The following ZNF638 variants were observed in gnomAD, a reference collection of about 807,000 sequenced individuals.
The protein encoded by ZNF638 is CTCL tumor antigen se33-1.
A neutral mutation model predicts 195.6 loss-of-function variants in ZNF638; 46 were observed. That is an observed-to-expected ratio of 0.24 (90% CI 0.19 to 0.30). The LOEUF (loss-of-function observed/expected upper bound fraction) is 0.30. Ranked by LOEUF, ZNF638 falls within the 10% of genes least tolerant of loss-of-function variation. The probability of loss-of-function intolerance (pLI) is 1.00; values close to 1 mark genes in which losing one functional copy is unlikely to be tolerated. For synonymous variants in ZNF638, 845 were observed against 772.0 expected, an observed-to-expected ratio of 1.09 and a Z score of -1.57; for missense variants, 2,440 against 2,325.3, an observed-to-expected ratio of 1.05 and a Z score of -1.01.
At chr2:71,408,310 C>G in intron 20 of ZNF638, 63 bp downstream of exon 20, 1 of 1,542,224 alleles carries the variant, frequency 6.5e-7, no homozygotes, top group Non-Finnish European at 8.7e-7. Flanking sequence ...AAAGGTCATT[C>G]TCAGGTAGTA....
At chr2:71,340,530 A>G (rs1428211810) in intron 1 of ZNF638, among the ~76,000 whole-genome samples, 1 of 152,202 alleles carries the variant, frequency 6.6e-6, no homozygotes, top group Admixed American at 6.5e-5. Flanking sequence ...AAGTGAATTT[A>G]TATATTCTGA....
At chr2:71,355,116 CCGCCACA>C in intron 2 of ZNF638, among the ~76,000 whole-genome samples, 1 of 152,152 alleles carries the variant, frequency 6.6e-6, no homozygotes, top group South Asian at 2.1e-4. Context: ...CTACAGGTGC[CCGCCACA>C]ACGCCTGGCT....
Position 71,427,325 on chromosome 2 carries a change from C to G in ZNF638, c.5456C>G (p.Thr1819Arg). The G allele has an allele frequency of 1.2e-6, 2 of 1,609,826 alleles. No homozygotes were observed. The highest frequency in any genetic ancestry group is 1.7e-6 in the Non-Finnish European group (2 of 1,179,132). Residue 1819 changes from threonine (T) to arginine (R), a missense_variant, in exon 24 of 28, where the codon ACA becomes AGA. Physicochemically the swap from Thr to Arg is moderately conservative, Grantham distance 71 (BLOSUM62 -1). This residue lies in a region of ZNF638 where 1,883 missense variants were observed against 1,739.1 expected (regional missense o/e 1.08). Transcript: ENST00000264447. ...AAGAGAGCTGTGGACACAAAAAAGA[C>G]AAAACTTGAATCCTTGTCCCAAGTG... The part of the protein sequence containing the change: ...RKKRAVDTKK[T>R]KLESLSQVGP...
At chr2:71,336,533 A>C (rs1159783964) in intron 1 of ZNF638, among the ~76,000 whole-genome samples, 1 of 152,230 alleles carries the variant, frequency 6.6e-6, no homozygotes, top group East Asian at 1.9e-4. Flanking sequence ...TACTAAAAGA[A>C]AGAAACACCT....
At chr2:71,371,336 T>G (rs1041227630) in intron 8 of ZNF638, among the ~76,000 whole-genome samples, 1 of 152,150 alleles carries the variant, frequency 6.6e-6, no homozygotes, top group African/African-American at 2.4e-5. Flanking sequence ...ATATACTGAT[T>G]TCTTTTCTTT....
At chr2:71,344,950 G>A (rs1338951794) in intron 1 of ZNF638, among the ~76,000 whole-genome samples, 1 of 152,190 alleles carries the variant, frequency 6.6e-6, no homozygotes, top group Non-Finnish European at 1.5e-5. Flanking sequence ...AATTAAAAGT[G>A]AAAATTGTGC....
At chr2:71,418,052 A>T (rs954114805) in intron 20 of ZNF638, among the ~76,000 whole-genome samples, 1 of 152,174 alleles carries the variant, frequency 6.6e-6, no homozygotes, top group African/African-American at 2.4e-5. Context: ...AGTGCTTGCC[A>T]TATAGGGACT....
In ZNF638 at chr2:71,342,218, C is replaced by CAAAAA. The variant is rs70959232; in HGVS notation, c.-202-6520_-202-6516dup. 8.4e-4 allele frequency among the ~76,000 whole-genome samples: 83 copies of CAAAAA among 98,966 alleles called. 3 individuals are homozygous for CAAAAA. The highest frequency in any genetic ancestry group is 9.6e-4 in the Non-Finnish European group (50 of 52,002). 64.9% of individuals were successfully genotyped at this position (98,966 alleles called of 152,430 possible). On this transcript the variant is annotated intron_variant, in intron 1 of 27. Transcript: ENST00000264447. ...CCTGGGTGACAGTGAGACTCTGTCT[C>CAAAAA]AAAAAAAAAAAAAAAAAAAGTCATA...
chr2:71,373,661 G>A (rs530463335), intron 8 of ZNF638, among the ~76,000 whole-genome samples: 63 of 151,636 alleles, frequency 4.2e-4, no homozygotes, highest in African/African-American at 1.5e-3. Context: ...CTCGTGATCC[G>A]TCCGCCTCGG....
rs114486646 is a variant in ZNF638 at position 71,390,573 on chromosome 2, C to T, written c.2378-5568C>T. ...AAAATAGCTCAGTTACTATTCTTAC[C>T]GTACTGGGTCCCCAATGCCCAGGGA... On this transcript the variant is annotated intron_variant, in intron 10 of 27. Coordinates refer to ENST00000264447, the MANE Select transcript of ZNF638 (RefSeq NM_014497.5). Among the ~76,000 whole-genome samples the T allele has an allele frequency of 3.0e-3, 463 of 152,188 alleles. 2 individuals carry two copies. Among genetic ancestry groups the T allele is most frequent in the African/African-American group, 0.011 (444 of 41,540 alleles).
chr2:71,366,155 G>C (rs150822774), intron 6 of ZNF638, among the ~76,000 whole-genome samples: 1 of 152,164 alleles, frequency 6.6e-6, no homozygotes. Context: ...TTTGAGGCCA[G>C]CCAGAGCTAC....
At chr2:71,381,062 A>G (rs1320677403) in intron 10 of ZNF638, among the ~76,000 whole-genome samples, 1 of 152,136 alleles carries the variant, frequency 6.6e-6, no homozygotes, top group African/African-American at 2.4e-5. Context: ...ATCATTATGA[A>G]TCCAGTTAAA....
intron 19 of ZNF638, 190 bp from the exon 20 acceptor site, chr2:71,407,932 A>C (rs912090487): frequency 8.4e-6 from 4 of 478,952 alleles, no homozygotes; most frequent in Non-Finnish European, 1.5e-5. Context: ...ATTGATGGAC[A>C]GTTGGGTTGC....
At chr2:71,422,786 C>A (rs956895395) in intron 21 of ZNF638, 28 bp from the exon 22 acceptor site, 2 of 1,578,634 alleles carry the variant, frequency 1.3e-6, no homozygotes, top group Non-Finnish European at 1.7e-6. Context: ...TGTTTGTGTT[C>A]TTTTTGTTTG....
At chr2:71,396,915 C>G (rs2079905282) in intron 11 of ZNF638, among the ~76,000 whole-genome samples, 1 of 152,088 alleles carries the variant, frequency 6.6e-6, no homozygotes, top group African/African-American at 2.4e-5. Context: ...CCACTGCACT[C>G]CAGCCTAGGG....
rs1268159023 is a variant in ZNF638, at chr2:71,434,787, G to A, written c.5917G>A (p.Glu1973Lys). 1.9e-6 allele frequency: 3 copies of A among 1,610,416 alleles called. No homozygotes were observed. The highest frequency in any genetic ancestry group is 2.5e-6 in the Non-Finnish European group (3 of 1,178,918). The part of the protein sequence containing the change: ...QRKEKEQNEA[E>K]ERSSR The stretch of plus-strand genomic sequence containing the variant: ...AAAGGAAAAGGAGCAGAATGAGGCT[G>A]AAGAAAGAAGCTCTAGGTGATTGGG... Residue 1973 changes from glutamate (E) to lysine (K), a missense_variant, in exon 28 of 28, where the codon GAA (glutamate) becomes AAA (lysine). Transcript: ENST00000264447.
At chr2:71,388,491 A>G in intron 10 of ZNF638, 2 of 699,068 alleles carry the variant, frequency 2.9e-6, no homozygotes, top group African/African-American at 1.7e-5. Flanking sequence ...ATCTGTACTA[A>G]ATAAATACAA....
At chr2:71,359,504 G>T (rs773043035) in intron 3 of ZNF638, among the ~76,000 whole-genome samples, 10 of 152,226 alleles carry the variant, frequency 6.6e-5, no homozygotes, top group Non-Finnish European at 1.3e-4. Flanking sequence ...ATTGAGGGCA[G>T]ATCTTCCTTA....
chr2:71,422,815 C>G lies in ZNF638; in HGVS notation c.3301C>G (p.Pro1101Ala), dbSNP rs765968648. The change falls in exon 22 of 28, where the codon CCT becomes GCT. Residue 1101 changes from proline to alanine, a missense_variant and splice_region_variant. This residue lies in a region of ZNF638 where 1,883 missense variants were observed against 1,739.1 expected (regional missense o/e 1.08). Coordinates refer to ENST00000264447, the MANE Select transcript of ZNF638 (RefSeq NM_014497.5). ...TTGTTTGTTTTTAAATACTTTTAGC[C>G]CTGGCTTGAAAAACAGTCCAATTGA... ...EHDPELEKES[P>A]GLKNSPIDES... is the part of the protein sequence containing the mutation. The G allele has an allele frequency of 3.7e-6, 6 of 1,605,152 alleles. No homozygotes were observed. The highest frequency in any genetic ancestry group is 1.3e-5 in the African/African-American group (1 of 74,296).
Sources: allele counts gnomAD v4.1 joint callset (sites outside exome capture counted in the v4.1 genomes callset), GRCh38; gene constraint gnomAD v4.1.1; regional missense constraint gnomAD v4.1.1; transcripts MANE v1.5; gene names NCBI Gene and HGNC (gene_info 2026-07-23, HGNC 2026-07-21).